MAP3K4: variants seen among roughly 807,000 people sequenced by gnomAD.
MAP3K4 encodes MAP three kinase 1.
A neutral mutation model predicts 185.6 loss-of-function variants in MAP3K4; 67 were observed. That is an observed-to-expected ratio of 0.36 (90% CI 0.30 to 0.44). The LOEUF is 0.44. MAP3K4 is among the 20% of genes least tolerant of loss of function. The pLI is 1.00. For synonymous variants in MAP3K4, 702 were observed against 710.4 expected, an observed-to-expected ratio of 0.99 and a Z score of 0.19; for missense variants, 1,551 against 1,995.1, an observed-to-expected ratio of 0.78 and a Z score of 4.24.
intron 1 of MAP3K4, among the ~76,000 whole-genome samples, chr6:160,998,153 C>T (rs1217939467): frequency 2.0e-5 from 3 of 152,108 alleles, no homozygotes; most frequent in Non-Finnish European, 2.9e-5. Flanking sequence ...ACTACAGGTG[C>T]GCACCACCAC....
intron 6 of MAP3K4, among the ~76,000 whole-genome samples, 189 bp downstream of exon 6, chr6:161,081,227 G>A (rs1785439897): frequency 6.6e-6 from 1 of 151,174 alleles, no homozygotes; most frequent in African/African-American, 2.4e-5. Flanking sequence ...TTTCCCCTTG[G>A]GGACATTGGG....
intron 1 of MAP3K4, among the ~76,000 whole-genome samples, chr6:161,019,167 CA>C (rs1480422964): frequency 6.6e-6 from 1 of 152,178 alleles, no homozygotes; most frequent in African/African-American, 2.4e-5. Context: ...TAAATGCTGT[CA>C]ACCATAGATT....
rs1782464498 is a variant in MAP3K4 at position 161,022,845 on chromosome 6, AATGAGACTGT to A, written c.153-11409_153-11400del. ...TTCTATAAGGTTCTGGTAAAGATGA[AATGAGACTGT>A]ATGATATCGAGCATAGTACTTACCA... is the stretch of plus-strand genomic sequence containing the variant. On this transcript the variant is annotated intron_variant, in intron 1 of 26. Coordinates refer to ENST00000392142, the MANE Select transcript of MAP3K4 (RefSeq NM_005922.4). The surrounding 1 kb of genome is among the most constrained non-coding windows in gnomAD (Gnocchi z 4.2). Among the ~76,000 whole-genome samples the A allele has an allele frequency of 1.3e-5, 2 of 152,154 alleles. No individual in the cohort carries two copies. The highest frequency in any genetic ancestry group is 4.8e-5 in the African/African-American group (2 of 41,444).
chr6:161,055,219 C>T (rs1337361996), intron 3 of MAP3K4, among the ~76,000 whole-genome samples: 1 of 152,204 alleles, frequency 6.6e-6, no homozygotes, highest in African/African-American at 2.4e-5. Flanking sequence ...TAACAAGAGT[C>T]ATCTCAGCAG....
intron 1 of MAP3K4, among the ~76,000 whole-genome samples, chr6:161,019,123 T>G (rs762127821): frequency 6.6e-6 from 1 of 152,218 alleles, no homozygotes; most frequent in Non-Finnish European, 1.5e-5. Context: ...AAAATTTTTT[T>G]AAGAAGTAGT....
intron 1 of MAP3K4, among the ~76,000 whole-genome samples, chr6:161,024,963 C>G (rs866161866): frequency 6.6e-6 from 1 of 152,110 alleles, no homozygotes; most frequent in African/African-American, 2.4e-5. Context: ...GACTGTCTGC[C>G]TATCTGTCCA....
At chr6:161,058,093 C>G (rs1045166548) in intron 3 of MAP3K4, among the ~76,000 whole-genome samples, 16 of 152,236 alleles carry the variant, frequency 1.1e-4, no homozygotes, top group Non-Finnish European at 1.8e-4. Flanking sequence ...GTAACTTGAT[C>G]AGGTCACAAA....
Position 161,106,369 on chromosome 6 carries a change from A to G in MAP3K4, c.3857-145A>G, listed in dbSNP as rs1280653550. 3 of 574,944 alleles carry G rather than the reference A, an allele frequency of 5.2e-6. No homozygotes were observed. Among genetic ancestry groups the G allele is most frequent in the Non-Finnish European group, 9.1e-6 (3 of 329,470 alleles). 35.6% of individuals were successfully genotyped at this position (574,944 alleles called of 1,614,324 possible). On this transcript the variant is annotated intron_variant, in intron 19 of 26. Transcript: ENST00000392142. This position sits in a 1 kb window ranked among gnomAD's most constrained non-coding sequence, Gnocchi z 4.9. ...AATGAGTAGCGTTTGAAGAACTTTA[A>G]TTCACCTGCTGTTTATCTGAATAGA...
intron 1 of MAP3K4, among the ~76,000 whole-genome samples, chr6:160,994,934 C>T (rs1320280111): frequency 6.6e-6 from 1 of 152,114 alleles, no homozygotes; most frequent in Non-Finnish European, 1.5e-5. Context: ...CTCCTGACCT[C>T]GTGATCCGCC....
chr6:161,080,306 G>A lies in MAP3K4; in HGVS notation c.2098-575G>A, dbSNP rs142230517. Among the ~76,000 whole-genome samples, 18 of 152,318 alleles carry A rather than the reference G, an allele frequency of 1.2e-4. No homozygotes were observed. The highest frequency in any genetic ancestry group is 3.4e-3 in the Middle Eastern group (1 of 294). On this transcript the variant is annotated intron_variant, in intron 5 of 26. Coordinates refer to ENST00000392142, the MANE Select transcript of MAP3K4 (RefSeq NM_005922.4). The surrounding 1 kb of genome is among the most constrained non-coding windows in gnomAD (Gnocchi z 4.8). ...TAAATCTAAAGGAGGATTTAAGAAC[G>A]GGAAAGCTGTTGTAATAGGACTTGT...
At chr6:161,104,020 C>T (rs534429765) in intron 19 of MAP3K4, among the ~76,000 whole-genome samples, 37 of 152,230 alleles carry the variant, frequency 2.4e-4, no homozygotes, top group African/African-American at 7.9e-4. Flanking sequence ...GATACCAGGT[C>T]TTTGCCATAT....
At position 160,996,121 on chromosome 6, in the gene MAP3K4, T is replaced by A. The variant is rs572379930; in HGVS notation, c.152+4038T>A. On this transcript the variant is annotated intron_variant, in intron 1 of 26. Transcript: ENST00000392142. This position sits in a 1 kb window ranked among gnomAD's most constrained non-coding sequence, Gnocchi z 4.5. ...CCTGTGTGTTTCAGTCTTGACCTTGTATGTCAACTGTTCTCCCTGGCAAAG... is the reference window on the plus strand; with the variant it reads ...CCTGTGTGTTTCAGTCTTGACCTTGAATGTCAACTGTTCTCCCTGGCAAAG... Among the ~76,000 whole-genome samples, 13,751 of 152,262 alleles carry A rather than the reference T, an allele frequency of 0.09. 783 individuals carry two copies. Among genetic ancestry groups the A allele is most frequent in the African/African-American group, 0.17 (6,966 of 41,516 alleles).
intron 1 of MAP3K4, among the ~76,000 whole-genome samples, chr6:161,014,055 T>G (rs891390755): frequency 6.6e-6 from 1 of 152,228 alleles, no homozygotes; most frequent in African/African-American, 2.4e-5. Flanking sequence ...TTTTATGTAT[T>G]TTGTATATCA....
Position 161,110,353 on chromosome 6 carries a change from G to A in MAP3K4, c.4396+439G>A, listed in dbSNP as rs1778292751. On this transcript the variant is annotated intron_variant, in intron 23 of 26. Transcript: ENST00000392142. This position sits in a 1 kb window ranked among gnomAD's most constrained non-coding sequence, Gnocchi z 4.8. ...AGGCTACGTTTTTGAGACAAGAATGGGGTTTGTTTACACAAACCTTGAAAT... is the reference window on the plus strand; with the variant it reads ...AGGCTACGTTTTTGAGACAAGAATGAGGTTTGTTTACACAAACCTTGAAAT... 2.0e-5 allele frequency among the ~76,000 whole-genome samples: 3 copies of A among 152,152 alleles called. No individual in the cohort carries two copies. Among genetic ancestry groups the A allele is most frequent in the Admixed American group, 2.0e-4 (3 of 15,280 alleles).
rs77283922 is a variant in MAP3K4, at chr6:161,070,091, A to G, written c.1708-517A>G. Among the ~76,000 whole-genome samples, 3,323 of 152,280 alleles carry G rather than the reference A, an allele frequency of 0.022. 108 individuals are homozygous for G. Among genetic ancestry groups the G allele is most frequent in the African/African-American group, 0.073 (3,031 of 41,550 alleles). On this transcript the variant is annotated intron_variant, in intron 3 of 26. Transcript: ENST00000392142. This position sits in a 1 kb window ranked among gnomAD's most constrained non-coding sequence, Gnocchi z 4.5. ...ACGATTTTTTAATTTTTCTGTCAGC[A>G]TCGTTCATTACAGCTCAGGGGAACA...
At chr6:161,041,207 G>C (rs1783434387) in intron 2 of MAP3K4, among the ~76,000 whole-genome samples, 1 of 152,190 alleles carries the variant, frequency 6.6e-6, no homozygotes, top group African/African-American at 2.4e-5. Context: ...GGAACATATA[G>C]CTCTAGGATT....
Position 161,049,924 on chromosome 6 carries a change from A to G in MAP3K4, c.1652A>G (p.Asp551Gly), listed in dbSNP as rs1311490749. Residue 551 changes from aspartate (D) to glycine (G), a missense_variant, in exon 3 of 27, where the codon GAT (aspartate) becomes GGT (glycine). By Grantham distance (94) the Asp-to-Gly change is moderately conservative. This residue lies in a region of MAP3K4 where 86 missense variants were observed against 81.6 expected (regional missense o/e 1.05). Transcript: ENST00000392142. The surrounding 1 kb of genome is among the most constrained non-coding windows in gnomAD (Gnocchi z 8.4). ...KLILRLHKLMDGSLQRARIAL... is the reference protein window; with the variant it reads ...KLILRLHKLMGGSLQRARIAL... ...ATTTTAAGACTTCACAAGCTAATGG[A>G]TGGTTCCTTGCAAAGGGCACGTATA... is the stretch of plus-strand genomic sequence containing the variant. 6.2e-7 allele frequency: 1 copy of G among 1,614,018 alleles called. No homozygotes were observed. Among genetic ancestry groups the G allele is most frequent in the Non-Finnish European group, 8.5e-7 (1 of 1,179,946 alleles).
chr6:161,108,028 C>T lies in MAP3K4; in HGVS notation c.4119+59C>T, dbSNP rs534389345. On this transcript the variant is annotated intron_variant, in intron 21 of 26. Transcript: ENST00000392142. This position sits in a 1 kb window ranked among gnomAD's most constrained non-coding sequence, Gnocchi z 5.7. ...TGGCGGCTCTGGGTGATAGAAATTC[C>T]GTATAGACGCTGGTCGTGATTCAGT... The T allele has an allele frequency of 2.3e-5, 33 of 1,464,966 alleles. 1 individual carries two copies. Among genetic ancestry groups the T allele is most frequent in the Middle Eastern group, 1.7e-4 (1 of 5,780 alleles). The allele number at this position is 1,464,966 out of a possible 1,614,324, so 90.7% of individuals were successfully genotyped here.
At chr6:161,023,620 C>T (rs752950414) in intron 1 of MAP3K4, among the ~76,000 whole-genome samples, 3 of 152,182 alleles carry the variant, frequency 2.0e-5, no homozygotes, top group Non-Finnish European at 2.9e-5. Flanking sequence ...ATTTCCAAGC[C>T]CTGTTTCAGA....
Sources: gnomAD v4.1 joint callset for allele counts (sites outside exome capture counted in the v4.1 genomes callset) on GRCh38, gnomAD v4.1.1 for gene constraint, gnomAD v4.1.1 regional missense constraint, Gnocchi (gnomAD v3.1) non-coding constraint, MANE v1.5 for transcripts, NCBI Gene and HGNC (gene_info 2026-07-23, HGNC 2026-07-21) for gene names.